DSCAML1: variants seen among roughly 807,000 people sequenced by gnomAD.
DSCAML1 encodes the protein DS cell adhesion molecule like 1, also known as cell adhesion molecule DSCAML1.
DSCAML1 carries 38 observed loss-of-function variants against 200.5 expected under a neutral mutation model. The observed-to-expected ratio is 0.19, with a 90% CI of 0.15 to 0.25. DSCAML1 has a LOEUF of 0.25. DSCAML1 is among the 10% of genes least tolerant of loss of function. The pLI, the probability that DSCAML1 is intolerant of heterozygous loss-of-function variation, is 1.00. For synonymous variants in DSCAML1, 1,215 were observed against 1,165.0 expected (o/e 1.04, Z -0.87); for missense variants, 2,223 against 2,858.8 (o/e 0.78, Z 5.07).
chr11:117,566,933 A>C (rs1229319313), intron 3 of DSCAML1, among the ~76,000 whole-genome samples: 1 of 151,920 alleles, frequency 6.6e-6, no homozygotes, highest in Non-Finnish European at 1.5e-5. Context: ...GCTGCACAGT[A>C]TTCCATGGTG....
chr11:117,658,352 A>G (rs1467171767), intron 3 of DSCAML1, among the ~76,000 whole-genome samples: 1 of 152,172 alleles, frequency 6.6e-6, no homozygotes, highest in Non-Finnish European at 1.5e-5. Context: ...TGATGTGAGG[A>G]GACTTTCCTG....
At chr11:117,811,406 C>G (rs2055759355) in intron 1 of DSCAML1, among the ~76,000 whole-genome samples, 2 of 152,210 alleles carry the variant, frequency 1.3e-5, no homozygotes, top group Admixed American at 1.3e-4. Context: ...ACCTCACCTT[C>G]AAGGTGTACA....
chr11:117,747,939 T>G (rs1026051971), intron 3 of DSCAML1, among the ~76,000 whole-genome samples: 2 of 152,102 alleles, frequency 1.3e-5, no homozygotes, highest in South Asian at 4.1e-4. Context: ...TAATCTTTAG[T>G]AAGGAGAAGA....
At chr11:117,500,578 A>T (rs572118125) in intron 11 of DSCAML1, among the ~76,000 whole-genome samples, 1 of 152,262 alleles carries the variant, frequency 6.6e-6, no homozygotes, top group Non-Finnish European at 1.5e-5. Flanking sequence ...GTTGTCCTGG[A>T]CCTCACAGCT....
chr11:117,588,218 A>AT (rs1230310132), intron 3 of DSCAML1, among the ~76,000 whole-genome samples: 13 of 150,880 alleles, frequency 8.6e-5, no homozygotes, highest in Non-Finnish European at 1.5e-4. Context: ...ACCAGGGTCC[A>AT]TTTTTTTTTA....
intron 3 of DSCAML1, among the ~76,000 whole-genome samples, chr11:117,721,866 C>T (rs938919025): frequency 2.0e-5 from 3 of 149,366 alleles, no homozygotes; most frequent in East Asian, 3.9e-4. Flanking sequence ...AGTGCAGTGG[C>T]GCGATCTCGG....
At chr11:117,790,613 ATG>A (rs1376406681) in intron 1 of DSCAML1, among the ~76,000 whole-genome samples, 3 of 152,206 alleles carry the variant, frequency 2.0e-5, no homozygotes, top group Admixed American at 1.3e-4. Flanking sequence ...TGGTTTTTAC[ATG>A]TGTGTGTTCA....
chr11:117,653,206 A>G (rs1347860785), intron 3 of DSCAML1, among the ~76,000 whole-genome samples: 2 of 152,134 alleles, frequency 1.3e-5, no homozygotes, highest in African/African-American at 4.8e-5. Flanking sequence ...GTGTAGGGGA[A>G]ATGGCCAGCA....
intron 1 of DSCAML1, among the ~76,000 whole-genome samples, chr11:117,805,405 C>A (rs1008584724): frequency 3.3e-5 from 5 of 152,104 alleles, no homozygotes; most frequent in South Asian, 2.1e-4. Context: ...CAGCAGAAAA[C>A]AGAAAAAGAT....
At chr11:117,495,450 A>G (rs2049273008) in intron 11 of DSCAML1, among the ~76,000 whole-genome samples, 1 of 152,102 alleles carries the variant, frequency 6.6e-6, no homozygotes. Context: ...CTAGGCAGGG[A>G]GGGGTGGGTG....
intron 3 of DSCAML1, among the ~76,000 whole-genome samples, chr11:117,565,586 C>G (rs959647149): frequency 2.6e-5 from 4 of 152,226 alleles, no homozygotes; most frequent in African/African-American, 9.6e-5. Flanking sequence ...TTCCACTGCT[C>G]TATCCTAAGA....
chr11:117,650,700 T>TGCAC (rs1555194703), intron 3 of DSCAML1, among the ~76,000 whole-genome samples: 31 of 147,464 alleles, frequency 2.1e-4, no homozygotes, highest in African/African-American at 7.0e-4. Context: ...TGTGTGTGTG[T>TGCAC]GCGTGTGTGT....
At chr11:117,517,663 C>T (rs998658740) in intron 7 of DSCAML1, among the ~76,000 whole-genome samples, 1 of 152,242 alleles carries the variant, frequency 6.6e-6, no homozygotes, top group African/African-American at 2.4e-5. Flanking sequence ...CCCACGGCAA[C>T]CAGGGGTGCC....
intron 3 of DSCAML1, among the ~76,000 whole-genome samples, chr11:117,536,143 G>C (rs905855312): frequency 6.6e-6 from 1 of 152,212 alleles, no homozygotes; most frequent in Admixed American, 6.5e-5. Flanking sequence ...AGAAATCAGG[G>C]GTATGATGTT....
intron 19 of DSCAML1, among the ~76,000 whole-genome samples, chr11:117,454,402 T>G (rs769912631): frequency 6.6e-6 from 1 of 152,254 alleles, no homozygotes; most frequent in Non-Finnish European, 1.5e-5. Context: ...ATATTCCAAT[T>G]CACAAGTTAT....
At chr11:117,732,803 T>C (rs2054246434) in intron 3 of DSCAML1, among the ~76,000 whole-genome samples, 1 of 151,672 alleles carries the variant, frequency 6.6e-6, no homozygotes, top group South Asian at 2.1e-4. Flanking sequence ...ATTATTATCA[T>C]TATTATTATT....
chr11:117,694,704 G>T (rs138556418), intron 3 of DSCAML1, among the ~76,000 whole-genome samples: 259 of 152,320 alleles, frequency 1.7e-3, no homozygotes, highest in African/African-American at 5.8e-3. Flanking sequence ...TTGGTGGCTT[G>T]AACTAACTTA....
At position 117,439,910 on chromosome 11, in the gene DSCAML1, C is replaced by A. The variant is rs751431959; in HGVS notation, c.3889G>T (p.Gly1297Cys). 3.7e-6 allele frequency: 6 copies of A among 1,614,042 alleles called. No individual in the cohort carries two copies. In the South Asian group the frequency reaches 6.6e-5, roughly 18 times the overall value. Residue 1297 changes from glycine to cysteine, a missense_variant, in exon 22 of 33, where the codon GGC (glycine) becomes TGC (cysteine). By Grantham distance (159) the Gly-to-Cys change is radical. Around this residue, in one of 7 missense-constraint regions of DSCAML1, gnomAD observed 614 missense variants for 739.1 expected, o/e 0.83. Coordinates refer to ENST00000651296, the MANE Select transcript of DSCAML1 (RefSeq NM_020693.4). ...TTCATCCAAGGTGTTGTCACGGTGC[C>A]CCCAAAGGAGATGATCTTTGCTGGG... is the stretch of plus-strand genomic sequence containing the variant. ...KAPAKIISFG[G>C]TVTTPWMKDV... is the part of the protein sequence containing the mutation.
At chr11:117,709,186 T>C (rs2053801990) in intron 3 of DSCAML1, among the ~76,000 whole-genome samples, 1 of 152,222 alleles carries the variant, frequency 6.6e-6, no homozygotes, top group Non-Finnish European at 1.5e-5. Flanking sequence ...TTAGCTATCA[T>C]GAAACAAGTG....
Sources: allele counts gnomAD v4.1 joint callset (sites outside exome capture counted in the v4.1 genomes callset), GRCh38; gene constraint gnomAD v4.1.1; regional missense constraint gnomAD v4.1.1; transcripts MANE v1.5; gene names NCBI Gene and HGNC (gene_info 2026-07-23, HGNC 2026-07-21).